YIPF6: variants seen among roughly 807,000 people sequenced by gnomAD.
YIPF6 encodes Yip1 domain family member 6, also known as protein YIPF6.
A neutral mutation model predicts 16.8 loss-of-function variants in YIPF6; 3 were observed. That is an observed-to-expected ratio of 0.18 (90% CI 0.08 to 0.46). The LOEUF (loss-of-function observed/expected upper bound fraction) is 0.46. Among genes scored for constraint, YIPF6 ranks in the 20% least tolerant of loss-of-function variants. The pLI is 0.98. For missense variants in YIPF6, 145 were observed against 184.9 expected (o/e 0.78, Z 1.25); for synonymous variants, 67 against 61.9 (o/e 1.08, Z -0.38).
chrX:68,513,556 G>A, intron 3 of YIPF6, 151 bp downstream of exon 3: 1 of 328,352 alleles, frequency 3.0e-6, no homozygotes, highest in Non-Finnish European at 5.1e-6. Flanking sequence ...TCAAACTTCT[G>A]GCAGAAATTA....
chrX:68,521,145 A>G (rs999019266), intron 4 of YIPF6, among the ~76,000 whole-genome samples: 4 of 111,701 alleles, frequency 3.6e-5, no homozygotes, highest in Non-Finnish European at 5.6e-5. Flanking sequence ...TAAACATTTC[A>G]ACAAGGTCAA....
At chrX:68,518,141 G>A (rs1007913102) in intron 3 of YIPF6, among the ~76,000 whole-genome samples, 5 of 108,329 alleles carry the variant, frequency 4.6e-5, no homozygotes, top group African/African-American at 1.0e-4. Context: ...GTATGATAGC[G>A]GGTGCCTGTA....
chrX:68,517,203 A>G (rs1297937355), intron 3 of YIPF6, among the ~76,000 whole-genome samples: 1 of 110,474 alleles, frequency 9.1e-6, no homozygotes, highest in African/African-American at 3.3e-5. Context: ...GCTGGAGTGC[A>G]GTGGCACAAT....
At chrX:68,519,699 G>A (rs937067455) in intron 4 of YIPF6, among the ~76,000 whole-genome samples, 1 of 109,382 alleles carries the variant, frequency 9.1e-6, no homozygotes, top group Non-Finnish European at 1.9e-5. Context: ...AGTGGTTGAG[G>A]GTCCTTTCCA....
chrX:68,519,292 A>G (rs1272727495), intron 4 of YIPF6, among the ~76,000 whole-genome samples: 2 of 111,138 alleles, frequency 1.8e-5, no homozygotes, highest in African/African-American at 6.5e-5. Context: ...AGGTTACACT[A>G]GAGAGATGAA....
intron 6 of YIPF6, among the ~76,000 whole-genome samples, chrX:68,525,406 T>A (rs1204066819): frequency 3.6e-5 from 4 of 112,307 alleles, no homozygotes; most frequent in African/African-American, 1.3e-4. Flanking sequence ...ATGGATAGAT[T>A]GCAAAAATTT....
chrX:68,514,240 ATATAT>A (rs1281624422), intron 3 of YIPF6: 2 of 82,982 alleles, frequency 2.4e-5, no homozygotes, highest in Admixed American at 1.3e-4. Flanking sequence ...AAAAAAAAAA[ATATAT>A]ATATATATAT....
chrX:68,511,852 G>A lies in YIPF6; in HGVS notation c.61G>A (p.Ala21Thr). The A allele has an allele frequency of 8.3e-7, 1 of 1,199,132 alleles. No homozygotes were observed. The highest frequency in any genetic ancestry group is 1.1e-6 in the Non-Finnish European group (1 of 891,287). Reference sequence around the variant, plus strand: ...TTTTTCCCCTGACTCTTCTCAGTTTGCAGGCCTTTCAGATATATCCATCTC... The same window carrying A: ...TTTTTCCCCTGACTCTTCTCAGTTTACAGGCCTTTCAGATATATCCATCTC... ...PGTASPRPLF[A>T]GLSDISISQD... The change falls in exon 2 of 7, where the codon GCA becomes ACA. Residue 21 changes from alanine to threonine, a missense_variant. By Grantham distance (58) the Ala-to-Thr change is moderately conservative. Transcript: ENST00000462683.
chrX:68,508,071 C>A (rs1332285126), intron 1 of YIPF6, among the ~76,000 whole-genome samples: 1 of 107,221 alleles, frequency 9.3e-6, no homozygotes. Context: ...TGGCTTGTAT[C>A]TGTCATTTGA....
chrX:68,499,264 C>A, intron 1 of YIPF6, 141 bp downstream of exon 1: 2 of 762,583 alleles, frequency 2.6e-6, no homozygotes, highest in Non-Finnish European at 3.7e-6. Flanking sequence ...CAGAACCAGT[C>A]CCAACACTGC....
chrX:68,511,717 T>C (rs1323587763), intron 1 of YIPF6, 132 bp from the exon 2 acceptor site: 4 of 670,611 alleles, frequency 6.0e-6, no homozygotes, highest in Non-Finnish European at 8.5e-6. Flanking sequence ...GTAATGTCTG[T>C]TGAGCTAACA....
chrX:68,504,928 G>C (rs1328913276), intron 1 of YIPF6, among the ~76,000 whole-genome samples: 1 of 111,948 alleles, frequency 8.9e-6, no homozygotes. Flanking sequence ...GTGCTGTGCA[G>C]TGTTATTTAT....
rs757955934 is a variant in YIPF6 at position 68,534,147 on chromosome X, C to T, written c.*2148C>T. ...TCTTTCTGTTTGCCCCGAGAATACT[C>T]GCCAGTGGCGCTTGCAGTTGTAGCA... On this transcript the variant is annotated 3_prime_UTR_variant, in exon 7 of 7. Transcript: ENST00000462683. 20 of 112,231 alleles carry T rather than the reference C, an allele frequency of 1.8e-4. No homozygotes were observed. Among genetic ancestry groups the T allele is most frequent in the Non-Finnish European group, 2.3e-4 (12 of 53,242 alleles). 9.2% of individuals were successfully genotyped at this position (112,231 alleles called of 1,213,427 possible).
At chrX:68,518,343 T>C (rs573928714) in intron 3 of YIPF6, among the ~76,000 whole-genome samples, 8 of 111,452 alleles carry the variant, frequency 7.2e-5, no homozygotes, top group African/African-American at 2.6e-4. Context: ...GGCAAGTCAT[T>C]TCCTTCTCAG....
At position 68,522,879 on chromosome X, in the gene YIPF6, T is replaced by A. The variant is rs758741848; in HGVS notation, c.554T>A (p.Leu185His). ...DPGPVNFMVR[L>H]FVVIVMFAWS... ...GGACCTGTAAACTTCATGGTTCGGC[T>A]TTTTGTGGTGATTGTGATGTTTGCC... is the stretch of plus-strand genomic sequence containing the variant. The change falls in exon 6 of 7, where the codon CTT (leucine) becomes CAT (histidine). Residue 185 changes from leucine to histidine, a missense_variant. Leu to His is a moderately conservative substitution (Grantham distance 99). Coordinates refer to ENST00000462683, the MANE Select transcript of YIPF6 (RefSeq NM_173834.4). 3.2e-5 allele frequency: 39 copies of A among 1,209,180 alleles called. No individual in the cohort carries two copies. The highest frequency in any genetic ancestry group is 3.7e-5 in the Non-Finnish European group (33 of 895,135).
intron 1 of YIPF6, among the ~76,000 whole-genome samples, chrX:68,506,584 C>T (rs1447048713): frequency 1.8e-5 from 2 of 110,306 alleles, no homozygotes; most frequent in Non-Finnish European, 3.8e-5. Context: ...CTTACAGTCC[C>T]AGCTACTTGA....
intron 6 of YIPF6, among the ~76,000 whole-genome samples, chrX:68,525,306 A>G (rs1469761093): frequency 8.9e-6 from 1 of 112,118 alleles, no homozygotes; most frequent in African/African-American, 3.2e-5. Context: ...GTGTCTGTTC[A>G]TATCCTTCGC....
intron 6 of YIPF6, among the ~76,000 whole-genome samples, chrX:68,527,502 T>G (rs2079153727): frequency 8.9e-6 from 1 of 111,785 alleles, no homozygotes. Flanking sequence ...TTATTTCTTA[T>G]CTTCTGCCAG....
At chrX:68,499,644 T>C (rs1336446653) in intron 1 of YIPF6, among the ~76,000 whole-genome samples, 1 of 111,498 alleles carries the variant, frequency 9.0e-6, no homozygotes, top group African/African-American at 3.3e-5. Flanking sequence ...ATTTTTTACT[T>C]TTTTAAAAAT....
Sources: gnomAD v4.1 joint callset for allele counts (sites outside exome capture counted in the v4.1 genomes callset) on GRCh38, gnomAD v4.1.1 for gene constraint, MANE v1.5 for transcripts, NCBI Gene and HGNC (gene_info 2026-07-23, HGNC 2026-07-21) for gene names.